DEPDC7: variants seen among roughly 807,000 people sequenced by gnomAD.
DEPDC7 encodes the protein DEP domain containing 7, also known as DEP domain-containing protein 7.
A neutral mutation model predicts 56.6 loss-of-function variants in DEPDC7; 41 were observed. The ratio of observed to expected loss-of-function variants is 0.72; its 90% confidence interval spans 0.56 to 0.94. DEPDC7 has a LOEUF of 0.94. DEPDC7 is among the 40% of genes least tolerant of loss of function. The pLI is 0.00. For missense variants in DEPDC7, 522 were observed against 596.3 expected (o/e 0.88, Z 1.30); for synonymous variants, 185 against 208.8 (o/e 0.89, Z 0.98).
In DEPDC7 at chr11:33,028,661, T is replaced by C. The variant is rs1242920106; in HGVS notation, c.651T>C (p.Leu217=). ...GGCGTCTACTACAACTTGTAGACCT[T>C]CCACTTCTTGACTCCTTACTGAAAC... is the stretch of plus-strand genomic sequence containing the variant. ...TIGRLLQLVD[L]PLLDSLLKQQ... is the part of the protein sequence containing the mutation. The change falls in exon 4 of 9, where the codon CTT becomes CTC. Residue 217 remains leucine, a synonymous_variant. Transcript: ENST00000241051. The C allele has an allele frequency of 6.2e-7, 1 of 1,613,640 alleles. No homozygotes were observed.
At chr11:33,022,031 G>A (rs10767981) in intron 1 of DEPDC7, among the ~76,000 whole-genome samples, 117,622 of 152,104 alleles carry the variant, frequency 0.77, 45,666 homozygotes, top group East Asian at 0.86. Context: ...TAGGATTTGT[G>A]TGCTAACCTA....
At chr11:33,023,266 C>A (rs1590207450) in intron 1 of DEPDC7, among the ~76,000 whole-genome samples, 1 of 151,602 alleles carries the variant, frequency 6.6e-6, no homozygotes, top group East Asian at 1.9e-4. Flanking sequence ...CATTTTAAAC[C>A]AACGTTATAA....
rs370783436 is a variant in DEPDC7 at position 33,023,694 on chromosome 11, G to A, written c.74-1965G>A. Among the ~76,000 whole-genome samples, 67 of 152,176 alleles carry A rather than the reference G, an allele frequency of 4.4e-4. 1 individual carries two copies. Among genetic ancestry groups the A allele is most frequent in the African/African-American group, 1.6e-3 (65 of 41,528 alleles). ...ATTGCAGGTGCCTGCTACCACGCCCGGCCAATTTTTGTATTTTTAGTAGAG... is the reference window on the plus strand; with the variant it reads ...ATTGCAGGTGCCTGCTACCACGCCCAGCCAATTTTTGTATTTTTAGTAGAG... On this transcript the variant is annotated intron_variant, in intron 1 of 8. Transcript: ENST00000241051.
In DEPDC7 at chr11:33,017,032, T is replaced by G. The variant is rs183056740; in HGVS notation, c.73+1004T>G. Among the ~76,000 whole-genome samples the G allele has an allele frequency of 5.1e-3, 774 of 152,348 alleles. 10 individuals are homozygous for G. The highest frequency in any genetic ancestry group is 0.018 in the African/African-American group (749 of 41,576). ...AATGGGTGCTTCTCAGTGGCCCCAC[T>G]CTTGTGTTTGACTTACTCACTAATG... On this transcript the variant is annotated intron_variant, in intron 1 of 8. Transcript: ENST00000241051.
intron 1 of DEPDC7, among the ~76,000 whole-genome samples, chr11:33,019,349 A>G (rs1379640564): frequency 6.6e-6 from 1 of 152,150 alleles, no homozygotes; most frequent in Non-Finnish European, 1.5e-5. Context: ...ACTGAGAACC[A>G]CTGGGTTAAC....
chr11:33,026,665 G>C (rs1853581340), intron 2 of DEPDC7: 1 of 159,246 alleles, frequency 6.3e-6, no homozygotes, highest in South Asian at 1.8e-4. Context: ...CTGGAGTGCA[G>C]TGGTGTGATC....
Position 33,032,760 on chromosome 11 carries a change from CTT to C in DEPDC7, c.1234_1235del (p.Leu412AsnfsTer9). 2 of 1,604,086 alleles carry C rather than the reference CTT, an allele frequency of 1.2e-6. No homozygotes were observed. The highest frequency in any genetic ancestry group is 1.7e-6 in the Non-Finnish European group (2 of 1,176,930). ...AAGGCAAAACAGATCTTCTGGTACTCTTTTTAATGGATCATCAGAAAGATGTT... is the reference window on the plus strand; with the variant it reads ...AAGGCAAAACAGATCTTCTGGTACTCTTTAATGGATCATCAGAAAGATGTT... Reference protein sequence around the residue: ...SKGKTDLLVLFLMDHQKDVFK... With the variant: ...SKGKTDLLVLXLMDHQKDVFK... On this transcript the variant is annotated frameshift_variant, in exon 7 of 9. Transcript: ENST00000241051. LOFTEE classifies it high-confidence loss of function.
intron 1 of DEPDC7, among the ~76,000 whole-genome samples, chr11:33,025,018 G>A (rs1246777972): frequency 6.6e-6 from 1 of 152,150 alleles, no homozygotes; most frequent in East Asian, 1.9e-4. Flanking sequence ...CATAAGATGT[G>A]TAATAGAATC....
chr11:33,030,750 A>G (rs1282830554), intron 4 of DEPDC7, among the ~76,000 whole-genome samples: 1 of 151,708 alleles, frequency 6.6e-6, no homozygotes, highest in African/African-American at 2.4e-5. Flanking sequence ...CACCCAGCTA[A>G]TTTTTGCATT....
chr11:33,021,944 G>T (rs1488012644), intron 1 of DEPDC7, among the ~76,000 whole-genome samples: 1 of 152,098 alleles, frequency 6.6e-6, no homozygotes, highest in African/African-American at 2.4e-5. Flanking sequence ...TACTCATTGA[G>T]GCCAAATATC....
intron 1 of DEPDC7, among the ~76,000 whole-genome samples, chr11:33,021,446 A>G (rs1001510021): frequency 1.4e-4 from 22 of 152,176 alleles, no homozygotes; most frequent in African/African-American, 5.3e-4. Flanking sequence ...CTGTTTAGAA[A>G]TCACAGTAAG....
chr11:33,030,868 G>A (rs1317963432), intron 4 of DEPDC7, among the ~76,000 whole-genome samples: 1 of 152,328 alleles, frequency 6.6e-6, no homozygotes, highest in African/African-American at 2.4e-5. Context: ...ACAGGTGTGA[G>A]CCACCGCACC....
At position 33,027,794 on chromosome 11, in the gene DEPDC7, T is replaced by C; in HGVS notation, c.573T>C (p.Ser191=). 6.4e-7 allele frequency: 1 copy of C among 1,573,124 alleles called. No individual in the cohort carries two copies. Among genetic ancestry groups the C allele is most frequent in the Non-Finnish European group, 8.6e-7 (1 of 1,164,340 alleles). Residue 191 remains serine (S), a synonymous_variant, in exon 3 of 9, where the codon TCT becomes TCC. Transcript: ENST00000241051. The part of the protein sequence containing the change: ...KPANSPHVNI[S]ATLSPQVINE... ...CCAACTCCCCTCATGTAAATATCTC[T>C]GCAACCTTGTCTCCACAAGGTAAGC...
At chr11:33,016,081 G>T in intron 1 of DEPDC7, 53 bp downstream of exon 1, 2 of 1,347,478 alleles carry the variant, frequency 1.5e-6, no homozygotes, top group Non-Finnish European at 1.9e-6. Context: ...TGGGGTGCGC[G>T]GGCTGGGTCC....
chr11:33,029,713 T>C (rs1235490063), intron 4 of DEPDC7, among the ~76,000 whole-genome samples: 2 of 152,252 alleles, frequency 1.3e-5, no homozygotes, highest in African/African-American at 4.8e-5. Context: ...AATTTTTTAT[T>C]ATTTTGCCTT....
intron 1 of DEPDC7, among the ~76,000 whole-genome samples, chr11:33,018,581 G>A (rs1191261067): frequency 6.6e-6 from 1 of 152,132 alleles, no homozygotes; most frequent in African/African-American, 2.4e-5. Flanking sequence ...TAAATAAAAG[G>A]TAAACTCCTA....
At chr11:33,021,911 C>A (rs769243607) in intron 1 of DEPDC7, among the ~76,000 whole-genome samples, 1 of 152,186 alleles carries the variant, frequency 6.6e-6, no homozygotes, top group Non-Finnish European at 1.5e-5. Context: ...CCTCTTAATT[C>A]TTCTGTGAAG....
At chr11:33,021,263 G>GA (rs1245294636) in intron 1 of DEPDC7, among the ~76,000 whole-genome samples, 38 of 146,466 alleles carry the variant, frequency 2.6e-4, no homozygotes, top group Non-Finnish European at 1.5e-4. Context: ...AAAAAAAAAA[G>GA]AAAAAAAAGA....
intron 1 of DEPDC7, chr11:33,016,340 G>C: frequency 2.9e-6 from 4 of 1,402,532 alleles, no homozygotes; most frequent in Non-Finnish European, 3.7e-6. Context: ...CACGCGCCGG[G>C]GAGCTCCGGG....
Sources: allele counts gnomAD v4.1 joint callset (sites outside exome capture counted in the v4.1 genomes callset), GRCh38; gene constraint gnomAD v4.1.1; transcripts MANE v1.5; gene names NCBI Gene and HGNC (gene_info 2026-07-23, HGNC 2026-07-21).